Variants in MPP7 observed in about 807,000 individuals in gnomAD.
MPP7 encodes MAGUK p55 subfamily member 7.
MPP7 carries 60 observed loss-of-function variants against 76.5 expected under a neutral mutation model. The observed-to-expected ratio is 0.78, with a 90% CI of 0.64 to 0.97. MPP7 has a LOEUF of 0.97. Among genes scored for constraint, MPP7 ranks in the 50% least tolerant of loss-of-function variants. The pLI is 0.00. For missense variants in MPP7, 641 were observed against 694.0 expected (o/e 0.92, Z 0.86); for synonymous variants, 237 against 244.5 (o/e 0.97, Z 0.29).
chr10:28,084,231 A>T (rs1852899736), intron 12 of MPP7, among the ~76,000 whole-genome samples: 1 of 152,200 alleles, frequency 6.6e-6, no homozygotes, highest in Non-Finnish European at 1.5e-5. Context: ...CACAAAACTG[A>T]AATACAATGC....
At chr10:28,242,652 A>T (rs1270271691) in intron 1 of MPP7, among the ~76,000 whole-genome samples, 1 of 152,210 alleles carries the variant, frequency 6.6e-6, no homozygotes, top group Non-Finnish European at 1.5e-5. Context: ...ATTACTAAAG[A>T]AAGTACTGAG....
intron 12 of MPP7, among the ~76,000 whole-genome samples, chr10:28,081,515 T>C (rs1852759060): frequency 6.6e-6 from 1 of 152,184 alleles, no homozygotes; most frequent in African/African-American, 2.4e-5. Flanking sequence ...GAAGAATACA[T>C]TTTCAAAATG....
chr10:28,291,225 G>A (rs1454873566), intron 1 of MPP7, among the ~76,000 whole-genome samples: 2 of 152,192 alleles, frequency 1.3e-5, no homozygotes, highest in Non-Finnish European at 2.9e-5. Flanking sequence ...GCAAAATACA[G>A]CAACTGCTAT....
chr10:28,228,378 G>C (rs1008442985), intron 2 of MPP7, among the ~76,000 whole-genome samples: 1 of 152,082 alleles, frequency 6.6e-6, no homozygotes, highest in Non-Finnish European at 1.5e-5. Context: ...TCATGATTTT[G>C]GTACCAGAAG....
At chr10:28,329,447 T>A (rs1353593108) in intron 2 of MPP7, among the ~76,000 whole-genome samples, 1 of 151,946 alleles carries the variant, frequency 6.6e-6, no homozygotes, top group African/African-American at 2.4e-5. Flanking sequence ...GCTAACACAG[T>A]GAAACCCTGT....
intron 5 of MPP7, among the ~76,000 whole-genome samples, chr10:28,136,574 G>T (rs1385948376): frequency 6.6e-6 from 1 of 152,056 alleles, no homozygotes; most frequent in African/African-American, 2.4e-5. Flanking sequence ...TACACAGATA[G>T]CAGACAAGAA....
chr10:28,099,904 C>A (rs191508422), intron 11 of MPP7, among the ~76,000 whole-genome samples: 1 of 151,228 alleles, frequency 6.6e-6, no homozygotes, highest in Non-Finnish European at 1.5e-5. Context: ...ATTTTTTCAA[C>A]GGAGAAAAAA....
chr10:28,153,591 T>TA (rs1835954388), intron 3 of MPP7, among the ~76,000 whole-genome samples: 1 of 152,242 alleles, frequency 6.6e-6, no homozygotes, highest in Non-Finnish European at 1.5e-5. Flanking sequence ...TTTTAATATG[T>TA]AAGCAGTTCT....
intron 1 of MPP7, among the ~76,000 whole-genome samples, chr10:28,293,255 T>C (rs2133133549): frequency 6.6e-6 from 1 of 152,176 alleles, no homozygotes; most frequent in Non-Finnish European, 1.5e-5. Context: ...GCAAAGGATA[T>C]ATAAATGGCG....
At chr10:28,184,480 G>A (rs989546734) in intron 3 of MPP7, among the ~76,000 whole-genome samples, 2 of 149,200 alleles carry the variant, frequency 1.3e-5, no homozygotes, top group African/African-American at 4.9e-5. Flanking sequence ...AGGCCGAGGT[G>A]GGCAGATCAC....
At chr10:28,262,653 G>A (rs1840029401) in intron 1 of MPP7, among the ~76,000 whole-genome samples, 1 of 152,126 alleles carries the variant, frequency 6.6e-6, no homozygotes, top group Non-Finnish European at 1.5e-5. Context: ...TACACAAAAA[G>A]CTGCACCTAT....
intron 3 of MPP7, among the ~76,000 whole-genome samples, chr10:28,186,084 C>T (rs189814260): frequency 3.9e-5 from 6 of 152,266 alleles, no homozygotes; most frequent in Admixed American, 2.6e-4. Context: ...TGGTGACTCA[C>T]GCCTATAATC....
intron 2 of MPP7, among the ~76,000 whole-genome samples, chr10:28,210,551 C>T (rs1246420965): frequency 6.6e-6 from 1 of 151,970 alleles, no homozygotes; most frequent in Non-Finnish European, 1.5e-5. Flanking sequence ...CATAAAACCC[C>T]TAAACATGGA....
rs539052509 is a variant in MPP7, at chr10:28,278,999, C to T, written c.-132+23862G>A. On this transcript the variant is annotated intron_variant, in intron 1 of 16. Transcript: ENST00000683449. ...ATGAAACATATCTGACATATTCTGC[C>T]TGAATAACTCCAGGGTGAACAGGGT... Among the ~76,000 whole-genome samples, 25 of 152,084 alleles carry T rather than the reference C, an allele frequency of 1.6e-4. 1 individual carries two copies. The South Asian group carries it at 4.2e-3, about 25-fold the overall frequency.
chr10:28,235,031 A>T (rs2134127397), intron 2 of MPP7, among the ~76,000 whole-genome samples: 1 of 152,304 alleles, frequency 6.6e-6, no homozygotes, highest in Non-Finnish European at 1.5e-5. Flanking sequence ...ACTGGTCTCA[A>T]ACTTCTGGAC....
At chr10:28,265,319 G>C (rs1840113988) in intron 1 of MPP7, among the ~76,000 whole-genome samples, 1 of 152,204 alleles carries the variant, frequency 6.6e-6, no homozygotes, top group Admixed American at 6.5e-5. Context: ...AACACTTTGG[G>C]AGGCCAAGGC....
chr10:28,145,031 A>G (rs1286729672), intron 5 of MPP7, among the ~76,000 whole-genome samples: 1 of 152,158 alleles, frequency 6.6e-6, no homozygotes, highest in East Asian at 1.9e-4. Context: ...CTCCTGCCTC[A>G]GCCTCCCGAG....
intron 2 of MPP7, among the ~76,000 whole-genome samples, chr10:28,310,989 T>C (rs1388827328): frequency 6.9e-6 from 1 of 145,658 alleles, no homozygotes; most frequent in African/African-American, 2.6e-5. Flanking sequence ...TAAATAAAAC[T>C]GTCCCCACAA....
At chr10:28,246,944 GCA>G (rs903906392) in intron 1 of MPP7, among the ~76,000 whole-genome samples, 3 of 152,078 alleles carry the variant, frequency 2.0e-5, no homozygotes, top group Non-Finnish European at 4.4e-5. Flanking sequence ...CTGACATAGA[GCA>G]CAGTACCCCA....
Sources: allele counts gnomAD v4.1 joint callset (sites outside exome capture counted in the v4.1 genomes callset), GRCh38; gene constraint gnomAD v4.1.1; transcripts MANE v1.5; gene names NCBI Gene and HGNC (gene_info 2026-07-23, HGNC 2026-07-21).